DPY19L1: variants seen among roughly 807,000 people sequenced by gnomAD.
The protein encoded by DPY19L1 is protein C-mannosyl-transferase DPY19L1.
In DPY19L1, 35 loss-of-function variants were observed where a neutral mutation model predicts 96.9. The observed-to-expected ratio is 0.36, with a 90% CI of 0.28 to 0.48. The LOEUF is 0.48. DPY19L1 is among the 20% of genes least tolerant of loss of function. The pLI is 0.99. For synonymous variants in DPY19L1, 205 were observed against 252.6 expected (o/e 0.81, Z 1.79); for missense variants, 521 against 777.9 (o/e 0.67, Z 3.93).
intron 16 of DPY19L1, among the ~76,000 whole-genome samples, chr7:34,944,201 A>G (rs1038295358): frequency 2.0e-5 from 3 of 151,896 alleles, no homozygotes; most frequent in African/African-American, 7.3e-5. Flanking sequence ...CGTCTCTACT[A>G]AAAATACAAA....
intron 1 of DPY19L1, among the ~76,000 whole-genome samples, chr7:35,021,199 T>C (rs1785988604): frequency 6.6e-6 from 1 of 152,178 alleles, no homozygotes; most frequent in Non-Finnish European, 1.5e-5. Flanking sequence ...AAAGGGGGCA[T>C]TCTTGATTTC....
intron 10 of DPY19L1, among the ~76,000 whole-genome samples, chr7:34,959,926 T>TAAATATATATAA (rs1562806996): frequency 4.6e-5 from 1 of 21,574 alleles, no homozygotes; most frequent in African/African-American, 2.8e-4. Context: ...TATATATATT[T>TAAATATATATAA]ATATATATAT....
At chr7:34,995,137 G>T (rs1398791301) in intron 6 of DPY19L1, among the ~76,000 whole-genome samples, 1 of 152,122 alleles carries the variant, frequency 6.6e-6, no homozygotes, top group East Asian at 1.9e-4. Flanking sequence ...ACTGTGAAAT[G>T]ATGTGACTTG....
chr7:35,006,653 C>T (rs1562824198), intron 6 of DPY19L1, among the ~76,000 whole-genome samples: 1 of 151,864 alleles, frequency 6.6e-6, no homozygotes, highest in Non-Finnish European at 1.5e-5. Flanking sequence ...AAAAAAAATA[C>T]TAAAATACTG....
intron 21 of DPY19L1, 45 bp downstream of exon 21, chr7:34,937,949 C>T (rs2128780661): frequency 1.3e-6 from 2 of 1,595,962 alleles, no homozygotes; most frequent in East Asian, 2.2e-5. Flanking sequence ...TTGAATTAAC[C>T]TTCATGTCTT....
At chr7:34,944,903 T>C (rs1784109720) in intron 16 of DPY19L1, among the ~76,000 whole-genome samples, 1 of 152,218 alleles carries the variant, frequency 6.6e-6, no homozygotes, top group East Asian at 1.9e-4. Context: ...GCATTGGATA[T>C]ACTATTAATT....
chr7:35,027,316 T>C (rs1041409891), intron 1 of DPY19L1, among the ~76,000 whole-genome samples: 2 of 152,214 alleles, frequency 1.3e-5, no homozygotes, highest in African/African-American at 4.8e-5. Context: ...CGCTGGGCTT[T>C]GTACTCTCCC....
intron 1 of DPY19L1, among the ~76,000 whole-genome samples, chr7:35,026,530 T>C (rs1464076982): frequency 1.3e-5 from 2 of 152,260 alleles, no homozygotes; most frequent in South Asian, 2.1e-4. Context: ...AGATCTCACT[T>C]GGGGCTTGGA....
intron 7 of DPY19L1, among the ~76,000 whole-genome samples, chr7:34,979,195 T>TG (rs1376393052): frequency 6.6e-6 from 1 of 152,160 alleles, no homozygotes; most frequent in East Asian, 1.9e-4. Flanking sequence ...CCATCCATTG[T>TG]TGCAATGACT....
At chr7:35,022,206 AT>A (rs554354185) in intron 1 of DPY19L1, among the ~76,000 whole-genome samples, 5 of 152,162 alleles carry the variant, frequency 3.3e-5, no homozygotes, top group African/African-American at 9.6e-5. Context: ...CACATATGCC[AT>A]TTTTTTTACA....
chr7:34,994,661 G>A (rs328920), intron 6 of DPY19L1, among the ~76,000 whole-genome samples: 29,826 of 151,762 alleles, frequency 0.2, 3,302 homozygotes, highest in Admixed American at 0.35. Flanking sequence ...AAAATTAGCC[G>A]GGCGTGGTGG....
intron 10 of DPY19L1, among the ~76,000 whole-genome samples, chr7:34,966,060 G>T (rs1191381655): frequency 6.6e-6 from 1 of 151,424 alleles, no homozygotes; most frequent in Non-Finnish European, 1.5e-5. Context: ...ATAGAGATGG[G>T]GTCTCACCCA....
rs531920176 is a variant in DPY19L1 at position 34,964,197 on chromosome 7, G to A, written c.1092+2697C>T. 2.6e-5 allele frequency among the ~76,000 whole-genome samples: 4 copies of A among 151,590 alleles called. No individual in the cohort carries two copies. In the East Asian group the frequency reaches 5.8e-4, roughly 22 times the overall value. ...ATAAGAATTTAGGAATTTATAAAAC[G>A]ATAATGGAAGAAGATAGAAAACAGT... On this transcript the variant is annotated intron_variant, in intron 10 of 21. Coordinates refer to ENST00000638088, the MANE Select transcript of DPY19L1 (RefSeq NM_001366673.1).
At chr7:35,011,533 ATTACCATAT>A in intron 4 of DPY19L1, 83 bp from the exon 5 acceptor site, 1 of 1,324,798 alleles carries the variant, frequency 7.5e-7, no homozygotes, top group Non-Finnish European at 1.0e-6. Context: ...TACTTTGACA[ATTACCATAT>A]TTTCCCTTTC....
At chr7:34,985,626 G>A (rs1403957073) in intron 7 of DPY19L1, among the ~76,000 whole-genome samples, 4 of 151,984 alleles carry the variant, frequency 2.6e-5, no homozygotes, top group African/African-American at 9.7e-5. Flanking sequence ...ACCACAGTGA[G>A]AAACCTACAC....
At chr7:34,949,490 T>C (rs1012498399) in intron 14 of DPY19L1, among the ~76,000 whole-genome samples, 1 of 152,048 alleles carries the variant, frequency 6.6e-6, no homozygotes, top group African/African-American at 2.4e-5. Flanking sequence ...AATGTAAGAG[T>C]TTGAGAGCTT....
At chr7:34,982,955 G>C (rs1784972190) in intron 7 of DPY19L1, among the ~76,000 whole-genome samples, 1 of 152,186 alleles carries the variant, frequency 6.6e-6, no homozygotes, top group South Asian at 2.1e-4. Flanking sequence ...CCAGTTTAAA[G>C]AATGGTAAGA....
chr7:34,995,633 T>TA, intron 6 of DPY19L1, among the ~76,000 whole-genome samples: 1 of 152,180 alleles, frequency 6.6e-6, no homozygotes, highest in Non-Finnish European at 1.5e-5. Flanking sequence ...TTGAGATTTT[T>TA]ATCTCTATTT....
At chr7:34,961,453 TA>T (rs1784499885) in intron 10 of DPY19L1, among the ~76,000 whole-genome samples, 1 of 152,038 alleles carries the variant, frequency 6.6e-6, no homozygotes, top group Non-Finnish European at 1.5e-5. Context: ...TACAAAAAAA[TA>T]AATCTAGACA....
Sources: allele counts gnomAD v4.1 joint callset (sites outside exome capture counted in the v4.1 genomes callset), GRCh38; gene constraint gnomAD v4.1.1; transcripts MANE v1.5; gene names NCBI Gene and HGNC (gene_info 2026-07-23, HGNC 2026-07-21).